ATP10B: variants seen among roughly 807,000 people sequenced by gnomAD.
ATP10B encodes the protein ATPase phospholipid transporting 10B (putative).
In ATP10B, 122 loss-of-function variants were observed where a neutral mutation model predicts 141.2. The observed-to-expected ratio is 0.86, with a 90% CI of 0.75 to 1.00. The LOEUF is 1.00. ATP10B is among the 50% of genes least tolerant of loss of function. The pLI is 0.00. For missense variants in ATP10B, 1,876 were observed against 1,825.3 expected (o/e 1.03, Z -0.51); for synonymous variants, 685 against 692.0 (o/e 0.99, Z 0.16).
chr5:160,785,482 T>A (rs1438175511), intron 2 of ATP10B, 77 bp downstream of exon 2: 4 of 394,490 alleles, frequency 1.0e-5, no homozygotes, highest in African/African-American at 8.5e-5. Context: ...ATGTGCAAGT[T>A]TATTTCATGG....
chr5:160,604,943 A>T (rs759776080), intron 19 of ATP10B, among the ~76,000 whole-genome samples: 1 of 152,238 alleles, frequency 6.6e-6, no homozygotes, highest in Non-Finnish European at 1.5e-5. Flanking sequence ...TTTTTCTGTA[A>T]AGGGTCAGGT....
intron 1 of ATP10B, among the ~76,000 whole-genome samples, chr5:160,848,015 C>A (rs1776228490): frequency 1.3e-5 from 2 of 152,160 alleles, no homozygotes; most frequent in African/African-American, 4.8e-5. Flanking sequence ...CCTGCACACT[C>A]CAGGTTTATG....
intron 6 of ATP10B, among the ~76,000 whole-genome samples, chr5:160,678,030 A>C (rs1763143033): frequency 6.6e-6 from 1 of 152,166 alleles, no homozygotes; most frequent in Non-Finnish European, 1.5e-5. Context: ...CCCTTTTCTG[A>C]ATCTAAATCT....
At chr5:160,681,525 G>A (rs1763399707) in intron 6 of ATP10B, among the ~76,000 whole-genome samples, 1 of 152,150 alleles carries the variant, frequency 6.6e-6, no homozygotes, top group Non-Finnish European at 1.5e-5. Flanking sequence ...TGGCATGCCT[G>A]CAATCCCACC....
At chr5:160,829,068 GA>G (rs1437048767) in intron 1 of ATP10B, among the ~76,000 whole-genome samples, 6 of 99,710 alleles carry the variant, frequency 6.0e-5, no homozygotes, top group African/African-American at 2.3e-4. Flanking sequence ...GGGGTGGGGG[GA>G]GGGGGGAGGG....
intron 13 of ATP10B, among the ~76,000 whole-genome samples, chr5:160,629,642 T>C (rs746016746): frequency 7.9e-5 from 12 of 152,238 alleles, no homozygotes; most frequent in Admixed American, 4.6e-4. Flanking sequence ...AGAAAGATCA[T>C]TTAAAACTTC....
intron 2 of ATP10B, among the ~76,000 whole-genome samples, chr5:160,779,807 G>A (rs542056046): frequency 6.6e-6 from 1 of 152,294 alleles, no homozygotes; most frequent in South Asian, 2.1e-4. Flanking sequence ...TAGCTTGCAA[G>A]TACTTAACAA....
Position 160,565,351 on chromosome 5 carries a change from A to G in ATP10B, c.*102T>C, listed in dbSNP as rs1349238506. On this transcript the variant is annotated 3_prime_UTR_variant, in exon 26 of 26. Transcript: ENST00000327245. ...GTCAAGGTTGTTGAAGAAAAGAATA[A>G]GACTGGCACATTGTTTCCTCTATGA... The G allele has an allele frequency of 3.3e-6, 4 of 1,215,256 alleles. No individual in the cohort carries two copies. The African/African-American group carries it at 6.1e-5, about 18-fold the overall frequency. The allele number at this position is 1,215,256 out of a possible 1,614,324, so 75.3% of individuals were successfully genotyped here. A position where few individuals can be genotyped will look rare whatever the true frequency, so the allele number is the denominator to read the frequency against.
chr5:160,715,598 G>A (rs1765580302), intron 3 of ATP10B, among the ~76,000 whole-genome samples: 1 of 151,924 alleles, frequency 6.6e-6, no homozygotes, highest in Admixed American at 6.6e-5. Flanking sequence ...GCTGGGAGCT[G>A]TAGACCGGAG....
rs767819703 is a variant in ATP10B at position 160,565,608 on chromosome 5, C to A, written c.4231G>T (p.Asp1411Tyr). The change falls in exon 26 of 26, where the codon GAC becomes TAC. Residue 1411 changes from aspartate to tyrosine, a missense_variant. Asp to Tyr is a radical substitution (Grantham distance 160, BLOSUM62 -3). Transcript: ENST00000327245. ...QRCGTECMRD[D>Y]SCSGDSSAQL... Reference sequence around the variant, plus strand: ...GCTGAGGAGTCCCCTGAGCATGAGTCATCCCTCATGCACTCCGTGCCACAT... The same window carrying A: ...GCTGAGGAGTCCCCTGAGCATGAGTAATCCCTCATGCACTCCGTGCCACAT... The A allele has an allele frequency of 1.9e-5, 31 of 1,614,006 alleles. 1 individual carries two copies. The South Asian group carries it at 3.0e-4, about 15-fold the overall frequency.
At chr5:160,856,670 TGATTTGTATGTA>T (rs377492928), upstream of ATP10B, among the ~76,000 whole-genome samples, 194 of 151,924 alleles carry the variant, frequency 1.3e-3, no homozygotes, top group African/African-American at 4.4e-3. Flanking sequence ...TGTATGTAGA[TGATTTGTATGTA>T]GATTTGTATG....
the ATP10B span, among the ~76,000 whole-genome samples, chr5:160,926,971 C>A: frequency 6.6e-6 from 1 of 152,202 alleles, no homozygotes; most frequent in Admixed American, 6.5e-5. Flanking sequence ...ATCACTGTCA[C>A]ACTAAGTGCT....
chr5:160,792,052 G>T lies in ATP10B; in HGVS notation c.-575-6249C>A, dbSNP rs76265207. ...ACCTTAGTCCTATGCAGTGTTAAGG[G>T]CCCATTTCAAATCTTACCTCCTCCA... On this transcript the variant is annotated intron_variant, in intron 1 of 25. Transcript: ENST00000327245. 1.8e-4 allele frequency among the ~76,000 whole-genome samples: 28 copies of T among 152,068 alleles called. No homozygotes were observed. The East Asian group carries it at 5.2e-3, about 28-fold the overall frequency.
chr5:160,574,791 C>T (rs1381975062), intron 24 of ATP10B, among the ~76,000 whole-genome samples: 2 of 130,538 alleles, frequency 1.5e-5, no homozygotes, highest in South Asian at 2.7e-4. Flanking sequence ...TGTGAGGACA[C>T]AGCATTCATC....
chr5:160,666,254 G>A (rs1472457149), intron 7 of ATP10B, among the ~76,000 whole-genome samples: 2 of 152,084 alleles, frequency 1.3e-5, no homozygotes, highest in Non-Finnish European at 2.9e-5. Context: ...TTAAAAATAT[G>A]CACACTCAAG....
At chr5:160,821,949 G>T (rs1014681092) in intron 1 of ATP10B, among the ~76,000 whole-genome samples, 2 of 152,068 alleles carry the variant, frequency 1.3e-5, no homozygotes, top group African/African-American at 4.8e-5. Context: ...ATACTGGACT[G>T]GGCAAAGGTT....
At chr5:160,669,375 G>T (rs1223238095) in intron 7 of ATP10B, among the ~76,000 whole-genome samples, 3 of 152,132 alleles carry the variant, frequency 2.0e-5, no homozygotes, top group Non-Finnish European at 4.4e-5. Flanking sequence ...CCAGATGAGG[G>T]AACCAAGGTG....
chr5:160,763,742 T>C (rs747765836), intron 2 of ATP10B, among the ~76,000 whole-genome samples: 2 of 151,576 alleles, frequency 1.3e-5, no homozygotes, highest in Non-Finnish European at 3.0e-5. Context: ...AAACAAAAAA[T>C]ATGCAAAAGG....
intron 7 of ATP10B, among the ~76,000 whole-genome samples, chr5:160,653,114 T>C (rs1358420532): frequency 4.6e-5 from 6 of 129,044 alleles, no homozygotes; most frequent in African/African-American, 1.1e-4. Context: ...ATATAACATA[T>C]ACATGTATAT....
Sources: allele counts gnomAD v4.1 joint callset (sites outside exome capture counted in the v4.1 genomes callset), GRCh38; gene constraint gnomAD v4.1.1; transcripts MANE v1.5; gene names NCBI Gene and HGNC (gene_info 2026-07-23, HGNC 2026-07-21).